ZFP64: variants seen among roughly 807,000 people sequenced by gnomAD.
ZFP64 encodes zinc finger protein 64.
A neutral mutation model predicts 51.6 loss-of-function variants in ZFP64; 14 were observed. That is an observed-to-expected ratio of 0.27 (90% CI 0.18 to 0.42). The LOEUF (loss-of-function observed/expected upper bound fraction) is 0.42, where lower values mean the gene tolerates loss of function less well. Ranked by LOEUF, ZFP64 falls within the 10% of genes least tolerant of loss-of-function variation. The pLI is 1.00. For synonymous variants in ZFP64, 375 were observed against 361.4 expected (o/e 1.04, Z -0.43); for missense variants, 754 against 906.8 (o/e 0.83, Z 2.16).
rs1318788207 is a variant in ZFP64 at position 52,143,290 on chromosome 20, G to A, written c.763+16833C>T. The stretch of plus-strand genomic sequence containing the variant: ...GAAACATACCTTTATATAACCCCTG[G>A]ATTCTGGCCCTATCCCCTTTAAAGC... On this transcript the variant is annotated intron_variant, in intron 5 of 8. Transcript: ENST00000361387. Among the ~76,000 whole-genome samples the A allele has an allele frequency of 4.9e-5, 7 of 142,204 alleles. 1 individual carries two copies. Among genetic ancestry groups the A allele is most frequent in the Admixed American group, 1.5e-4 (2 of 13,668 alleles). The allele number at this position is 142,204 out of a possible 152,430, so 93.3% of individuals were successfully genotyped here.
intron 5 of ZFP64, among the ~76,000 whole-genome samples, chr20:52,111,404 C>G (rs1350461103): frequency 6.6e-6 from 1 of 151,660 alleles, no homozygotes; most frequent in African/African-American, 2.4e-5. Flanking sequence ...TTAGTAGAGA[C>G]GGGTTTCTCC....
chr20:52,153,313 A>G lies in ZFP64; in HGVS notation c.879T>C (p.Asn293=). 1 of 1,614,210 alleles carries G rather than the reference A, an allele frequency of 6.2e-7. No individual in the cohort carries two copies. The highest frequency in any genetic ancestry group is 8.5e-7 in the Non-Finnish European group (1 of 1,180,036). Residue 293 remains asparagine, a synonymous_variant, in exon 6 of 6, where the codon AAT becomes AAC. Coordinates refer to ENST00000216923, the MANE Select transcript of ZFP64 (RefSeq NM_018197.3). This position sits in a 1 kb window ranked among gnomAD's most constrained non-coding sequence, Gnocchi z 5.1. ...GGTTCCCCTTCATGGTGCAGCGGACATTGCAGAACTCGCACTTGAAAGGCT... is the reference window on the plus strand; with the variant it reads ...GGTTCCCCTTCATGGTGCAGCGGACGTTGCAGAACTCGCACTTGAAAGGCT... ...GEKPFKCEFC[N]VRCTMKGNLK...
chr20:52,087,304 T>A (rs2078874949), intron 8 of ZFP64, among the ~76,000 whole-genome samples: 1 of 152,226 alleles, frequency 6.6e-6, no homozygotes, highest in Admixed American at 6.5e-5. Context: ...TTCCTAGACC[T>A]GGTCAGAAAC....
intron 7 of ZFP64, among the ~76,000 whole-genome samples, chr20:52,094,451 G>A (rs1307355158): frequency 6.6e-6 from 1 of 152,124 alleles, no homozygotes; most frequent in Non-Finnish European, 1.5e-5. Flanking sequence ...AATGCCACAG[G>A]ACCATCTTAA....
intron 2 of ZFP64, among the ~76,000 whole-genome samples, chr20:52,171,808 C>T (rs985600264): frequency 8.7e-5 from 13 of 149,646 alleles, no homozygotes; most frequent in Middle Eastern, 3.6e-3. Flanking sequence ...AGTGCAATGG[C>T]GTGATCTCGG....
In ZFP64 at chr20:52,153,407, C is replaced by G; in HGVS notation, c.785G>C (p.Trp262Ser). 6.2e-7 allele frequency: 1 copy of G among 1,613,918 alleles called. No individual in the cohort carries two copies. Residue 262 changes from tryptophan to serine, a missense_variant, in exon 6 of 6, where the codon TGG (tryptophan) becomes TCG (serine). By Grantham distance (177) the Trp-to-Ser change is radical. Around this residue, in one of 3 missense-constraint regions of ZFP64, gnomAD observed 231 missense variants for 336.7 expected, o/e 0.69. Transcript: ENST00000216923. This position sits in a 1 kb window ranked among gnomAD's most constrained non-coding sequence, Gnocchi z 5.1. ...GATTTTGAACTTGGCGCTACAGAGC[C>G]AGCACTGGAAGGGGGCGTCCCCTGT... ...SHTGDAPFQC[W>S]LCSAKFKISS...
intron 5 of ZFP64, among the ~76,000 whole-genome samples, chr20:52,116,453 T>C (rs1272613027): frequency 6.6e-6 from 1 of 151,732 alleles, no homozygotes; most frequent in Admixed American, 6.6e-5. Context: ...TTTCTTTTTT[T>C]TTTTTTTTAA....
intron 5 of ZFP64, chr20:52,105,260 C>A: frequency 1.5e-6 from 2 of 1,330,036 alleles, no homozygotes; most frequent in Non-Finnish European, 1.9e-6. Flanking sequence ...GGGCTCCCCG[C>A]GCGTCCCTAG....
At chr20:52,169,126 A>G (rs1279445153) in intron 2 of ZFP64, among the ~76,000 whole-genome samples, 5 of 152,222 alleles carry the variant, frequency 3.3e-5, no homozygotes, top group Non-Finnish European at 7.3e-5. Flanking sequence ...AATGGGGACA[A>G]TCACCATGCC....
chr20:52,136,114 A>G (rs1470847379), intron 5 of ZFP64, among the ~76,000 whole-genome samples: 10 of 150,428 alleles, frequency 6.6e-5, no homozygotes, highest in Non-Finnish European at 1.3e-4. Context: ...AAAAAAAAAA[A>G]AAAAAAGAAA....
chr20:52,120,992 T>C (rs1979162500), intron 5 of ZFP64, among the ~76,000 whole-genome samples: 1 of 152,146 alleles, frequency 6.6e-6, no homozygotes, highest in Non-Finnish European at 1.5e-5. Flanking sequence ...TCAGTGATAT[T>C]TGATGCTACC....
intron 1 of ZFP64, among the ~76,000 whole-genome samples, chr20:52,188,075 C>T (rs1039147132): frequency 6.6e-6 from 1 of 152,034 alleles, no homozygotes; most frequent in African/African-American, 2.4e-5. Context: ...GCAATGTGCC[C>T]CTTTTCTTCT....
chr20:52,124,018 C>T (rs7265436), intron 5 of ZFP64, among the ~76,000 whole-genome samples: 30,588 of 151,476 alleles, frequency 0.2, 3,329 homozygotes, highest in Admixed American at 0.26. Flanking sequence ...TACAGGCACC[C>T]GCCACCATGC....
chr20:52,128,808 C>T (rs867064562), intron 5 of ZFP64, among the ~76,000 whole-genome samples: 7 of 152,230 alleles, frequency 4.6e-5, no homozygotes, highest in South Asian at 4.1e-4. Context: ...GGATGATAAA[C>T]TACACGATCG....
At chr20:52,139,322 A>G (rs578234982) in intron 5 of ZFP64, among the ~76,000 whole-genome samples, 48 of 152,344 alleles carry the variant, frequency 3.2e-4, no homozygotes, top group Non-Finnish European at 4.9e-4. Flanking sequence ...CTTCACAACC[A>G]TAACAACATG....
downstream of ZFP64, among the ~76,000 whole-genome samples, chr20:52,148,754 A>G (rs943412256): frequency 3.9e-5 from 6 of 152,194 alleles, no homozygotes; most frequent in African/African-American, 1.2e-4. Flanking sequence ...GCCATTGAAA[A>G]ACAAATAAGC....
chr20:52,097,011 C>G (rs993315443), intron 7 of ZFP64: 1 of 596,724 alleles, frequency 1.7e-6, no homozygotes, highest in African/African-American at 1.8e-5. Context: ...AGCATGCCAA[C>G]AGGCTGAGTT....
Position 52,153,014 on chromosome 20 carries a change from A to T in ZFP64, c.1178T>A (p.Phe393Tyr). The change falls in exon 6 of 6, where the codon TTC (phenylalanine) becomes TAC (tyrosine). Residue 393 changes from phenylalanine to tyrosine, a missense_variant. Physicochemically the swap from Phe to Tyr is conservative, Grantham distance 22. Coordinates refer to ENST00000216923, the MANE Select transcript of ZFP64 (RefSeq NM_018197.3). The surrounding 1 kb of genome is among the most constrained non-coding windows in gnomAD (Gnocchi z 5.1). ...CTCAGTCTTAACCATGTCCCCATGG[A>T]ACTTCTTCATGTGCTTGCTCAGGTT... Reference protein sequence around the residue: ...PSNLSKHMKKFHGDMVKTEAL... With the variant: ...PSNLSKHMKKYHGDMVKTEAL... 2 of 1,613,968 alleles carry T rather than the reference A, an allele frequency of 1.2e-6. No homozygotes were observed. The highest frequency in any genetic ancestry group is 3.3e-5 in the Admixed American group (2 of 60,012).
At chr20:52,108,633 T>A (rs1024906669) in intron 5 of ZFP64, among the ~76,000 whole-genome samples, 3 of 151,976 alleles carry the variant, frequency 2.0e-5, no homozygotes, top group African/African-American at 7.3e-5. Flanking sequence ...CTTAGCTTCC[T>A]GAGTAGCTGG....
Sources: allele counts gnomAD v4.1 joint callset (sites outside exome capture counted in the v4.1 genomes callset), GRCh38; gene constraint gnomAD v4.1.1; regional missense constraint gnomAD v4.1.1; non-coding constraint Gnocchi (gnomAD v3.1); transcripts MANE v1.5; gene names NCBI Gene and HGNC (gene_info 2026-07-23, HGNC 2026-07-21).